Variants in CDH12 observed in about 807,000 individuals in gnomAD.
CDH12 encodes the protein cadherin-12.
CDH12 carries 41 observed loss-of-function variants against 74.1 expected under a neutral mutation model. The observed-to-expected ratio is 0.55, with a 90% CI of 0.43 to 0.72. CDH12 has a LOEUF of 0.72. Among genes scored for constraint, CDH12 ranks in the 30% least tolerant of loss-of-function variants. The pLI is 0.00. For synonymous variants in CDH12, 399 were observed against 355.0 expected (o/e 1.12, Z -1.39); for missense variants, 945 against 977.2 (o/e 0.97, Z 0.44).
At chr5:22,172,640 C>T (rs543603486) in intron 4 of CDH12, 20 of 151,836 alleles carry the variant, frequency 1.3e-4, no homozygotes, top group Admixed American at 2.6e-4. Context: ...ATGTGGTTTT[C>T]GGAACATAAG....
At chr5:22,559,977 TG>T (rs1738968391) in intron 1 of CDH12, among the ~76,000 whole-genome samples, 1 of 152,164 alleles carries the variant, frequency 6.6e-6, no homozygotes. Flanking sequence ...TTGCATTAAG[TG>T]GAGCCTTTGA....
intron 6 of CDH12, among the ~76,000 whole-genome samples, chr5:21,875,909 T>TTC: frequency 6.6e-6 from 1 of 151,504 alleles, no homozygotes; most frequent in South Asian, 2.1e-4. Context: ...TTTTTTTTTT[T>TTC]TTTCTGAAAC....
At chr5:22,049,318 T>C (rs941811696) in intron 5 of CDH12, among the ~76,000 whole-genome samples, 1 of 152,188 alleles carries the variant, frequency 6.6e-6, no homozygotes, top group Non-Finnish European at 1.5e-5. Flanking sequence ...CATTGTACCA[T>C]GACACACCAT....
At chr5:22,453,030 T>C (rs1477800881) in intron 2 of CDH12, among the ~76,000 whole-genome samples, 1 of 151,628 alleles carries the variant, frequency 6.6e-6, no homozygotes, top group East Asian at 1.9e-4. Context: ...AAGGCCACAA[T>C]GAAGTATCAC....
At chr5:22,013,235 G>T (rs1207465641) in intron 5 of CDH12, among the ~76,000 whole-genome samples, 1 of 152,180 alleles carries the variant, frequency 6.6e-6, no homozygotes, top group East Asian at 1.9e-4. Context: ...TTCTTCACAA[G>T]GTGGCAGGAA....
At chr5:22,577,382 T>C (rs1739849131) in intron 1 of CDH12, among the ~76,000 whole-genome samples, 1 of 152,184 alleles carries the variant, frequency 6.6e-6, no homozygotes, top group Admixed American at 6.6e-5. Flanking sequence ...TTTTTCTGAA[T>C]AACTATTTGA....
At chr5:22,782,703 C>A (rs1030552595) in intron 1 of CDH12, among the ~76,000 whole-genome samples, 2 of 152,054 alleles carry the variant, frequency 1.3e-5, no homozygotes, top group African/African-American at 2.4e-5. Flanking sequence ...TTGATGATAT[C>A]CTCCAAGAAA....
At chr5:22,738,800 G>T (rs1170353652) in intron 1 of CDH12, among the ~76,000 whole-genome samples, 4 of 151,996 alleles carry the variant, frequency 2.6e-5, no homozygotes, top group African/African-American at 7.2e-5. Flanking sequence ...CACAGGAAAA[G>T]AAATAAGCTA....
rs991093399 is a variant in CDH12 at position 21,792,420 on chromosome 5, C to T, written c.1257-8926G>A. Among the ~76,000 whole-genome samples, 10 of 151,806 alleles carry T rather than the reference C, an allele frequency of 6.6e-5. No individual in the cohort carries two copies. The East Asian group carries it at 1.9e-3, about 29-fold the overall frequency. On this transcript the variant is annotated intron_variant, in intron 10 of 14. Coordinates refer to ENST00000382254, the MANE Select transcript of CDH12 (RefSeq NM_004061.5). Reference sequence around the variant, plus strand: ...TAAATGTTTGATGAGAAACTATTTACAAAAGTATATCATTTAATAAAAGTA... The same window carrying T: ...TAAATGTTTGATGAGAAACTATTTATAAAAGTATATCATTTAATAAAAGTA...
At chr5:22,687,068 C>T (rs180917886) in intron 1 of CDH12, among the ~76,000 whole-genome samples, 1 of 152,064 alleles carries the variant, frequency 6.6e-6, no homozygotes, top group Non-Finnish European at 1.5e-5. Context: ...GGCTAAGGCG[C>T]GTGGATCACG....
intron 2 of CDH12, among the ~76,000 whole-genome samples, chr5:22,442,653 T>A (rs1744673131): frequency 6.6e-6 from 1 of 152,158 alleles, no homozygotes; most frequent in Admixed American, 6.6e-5. Context: ...TGCTCATGCA[T>A]GATCAGCTGA....
At chr5:22,151,114 A>G (rs1472147810) in intron 4 of CDH12, among the ~76,000 whole-genome samples, 1 of 152,166 alleles carries the variant, frequency 6.6e-6, no homozygotes, top group Non-Finnish European at 1.5e-5. Context: ...ACCTGCCATG[A>G]GTCTATCCAC....
chr5:21,869,747 A>G lies in CDH12; in HGVS notation c.527-14957T>C, dbSNP rs541059194. ...TTGTATCATATTAGGGGGAATTATT[A>G]CCTTGCTATTGTCTTTATTTGGAGA... On this transcript the variant is annotated intron_variant, in intron 6 of 14. Transcript: ENST00000382254. Among the ~76,000 whole-genome samples the G allele has an allele frequency of 7.2e-5, 11 of 152,264 alleles. No individual in the cohort carries two copies. In the South Asian group the frequency reaches 1.9e-3, roughly 26 times the overall value.
intron 3 of CDH12, among the ~76,000 whole-genome samples, chr5:22,336,935 A>G (rs1434639420): frequency 6.6e-6 from 1 of 152,180 alleles, no homozygotes; most frequent in East Asian, 1.9e-4. Flanking sequence ...CAGATACTCA[A>G]TGCCAGCTGT....
At chr5:22,640,827 T>A (rs1056277061) in intron 1 of CDH12, among the ~76,000 whole-genome samples, 5 of 152,190 alleles carry the variant, frequency 3.3e-5, no homozygotes, top group African/African-American at 9.7e-5. Context: ...AGAGTTTCCC[T>A]GCTTATTCTC....
At chr5:22,424,015 A>AAG (rs1197511466) in intron 2 of CDH12, among the ~76,000 whole-genome samples, 1 of 149,552 alleles carries the variant, frequency 6.7e-6, no homozygotes, top group African/African-American at 2.4e-5. Flanking sequence ...AAAAAAAAAA[A>AAG]AAAAAAAAAA....
intron 3 of CDH12, among the ~76,000 whole-genome samples, chr5:22,216,872 T>C (rs1751823696): frequency 1.3e-5 from 2 of 151,884 alleles, no homozygotes; most frequent in Admixed American, 1.3e-4. Flanking sequence ...TTAAAAAGCT[T>C]CTATTTAATA....
intron 1 of CDH12, among the ~76,000 whole-genome samples, chr5:22,794,131 C>T (rs1439065148): frequency 6.6e-6 from 1 of 152,186 alleles, no homozygotes; most frequent in African/African-American, 2.4e-5. Flanking sequence ...GACAACGGTA[C>T]TGAAAAGCTC....
intron 4 of CDH12, among the ~76,000 whole-genome samples, chr5:22,137,556 C>T (rs1746533145): frequency 6.6e-6 from 1 of 152,044 alleles, no homozygotes; most frequent in South Asian, 2.1e-4. Context: ...TAACCCTGCA[C>T]ATGCATGTAT....
Sources: gnomAD v4.1 joint callset for allele counts (sites outside exome capture counted in the v4.1 genomes callset) on GRCh38, gnomAD v4.1.1 for gene constraint, MANE v1.5 for transcripts, NCBI Gene and HGNC (gene_info 2026-07-23, HGNC 2026-07-21) for gene names.